The following IFT74 variants were observed in gnomAD, a reference collection of about 807,000 sequenced individuals.
IFT74 encodes intraflagellar transport 74.
In IFT74, 92 loss-of-function variants were observed where a neutral mutation model predicts 96.7. That is an observed-to-expected ratio of 0.95 (90% CI 0.80 to 1.13). The LOEUF is 1.13. Ranked by LOEUF, IFT74 falls within the 50% of genes most tolerant of loss-of-function variation. IFT74 has a pLI of 0.00. For missense variants in IFT74, 811 were observed against 698.2 expected (o/e 1.16, Z -1.82); for synonymous variants, 223 against 213.2 (o/e 1.05, Z -0.40).
intron 8 of IFT74, chr9:26,995,517 G>T (rs200749160): frequency 1.3e-6 from 2 of 1,509,244 alleles, no homozygotes; most frequent in East Asian, 4.6e-5. Flanking sequence ...AACTTTGAAA[G>T]AAATTAATTT....
At chr9:27,025,735 C>A (rs551095327) in intron 12 of IFT74, among the ~76,000 whole-genome samples, 7 of 152,230 alleles carry the variant, frequency 4.6e-5, no homozygotes, top group African/African-American at 1.7e-4. Flanking sequence ...TCCATTGAAA[C>A]TAAGCTTCAT....
At chr9:27,050,109 G>C (rs1280520911) in intron 16 of IFT74, among the ~76,000 whole-genome samples, 1 of 152,114 alleles carries the variant, frequency 6.6e-6, no homozygotes, top group Admixed American at 6.5e-5. Context: ...CCAGGCTGGA[G>C]TGCAGTGGCG....
chr9:27,010,214 C>T (rs1052276202), intron 9 of IFT74, among the ~76,000 whole-genome samples: 1 of 151,864 alleles, frequency 6.6e-6, no homozygotes. Flanking sequence ...TGGTCTTGAT[C>T]GCCTGACCTC....
rs202209535 is a variant in IFT74, at chr9:27,033,403, AC to A, written c.1054+4300del. Among the ~76,000 whole-genome samples, 1,495 of 152,088 alleles carry A rather than the reference AC, an allele frequency of 9.8e-3. 28 individuals are homozygous for A. The highest frequency in any genetic ancestry group is 0.034 in the African/African-American group (1,418 of 41,482). On this transcript the variant is annotated intron_variant, in intron 13 of 19. Coordinates refer to ENST00000380062, the MANE Select transcript of IFT74 (RefSeq NM_025103.4). ...CGAAAACCTGTCTCTACAAAAAAAT[AC>A]AAAAATTAGCCAGGCATGGTGATGT...
At chr9:27,012,085 G>C in intron 10 of IFT74, 117 bp downstream of exon 10, 2 of 571,348 alleles carry the variant, frequency 3.5e-6, no homozygotes, top group Non-Finnish European at 2.9e-6. Flanking sequence ...ACTAATAGGA[G>C]TTTAATACTT....
intron 2 of IFT74, chr9:26,976,517 C>T: frequency 3.2e-6 from 1 of 308,686 alleles, no homozygotes; most frequent in Non-Finnish European, 6.4e-6. Flanking sequence ...AACATTTAAA[C>T]TTTCTTAGAT....
chr9:27,056,841 G>A (rs537393169), intron 18 of IFT74, among the ~76,000 whole-genome samples: 6 of 150,222 alleles, frequency 4.0e-5, no homozygotes, highest in Admixed American at 3.3e-4. Context: ...GCTTTAGTGT[G>A]GGTTCTTTTA....
intron 1 of IFT74, among the ~76,000 whole-genome samples, chr9:26,950,634 G>C (rs1164666170): frequency 5.9e-5 from 9 of 152,212 alleles, no homozygotes; most frequent in Admixed American, 5.9e-4. Context: ...AGTCATGTTA[G>C]ATTTCTCTCA....
rs1019174371 is a variant in IFT74 at position 26,968,192 on chromosome 9, G to T, written c.120+6105G>T. On this transcript the variant is annotated intron_variant, in intron 2 of 19. Transcript: ENST00000380062. ...GTATTAGTTCTTTTTTAAATGTTTG[G>T]TGGAACTCAGCAGTGAAGTCATCAG... is the stretch of plus-strand genomic sequence containing the variant. 2.6e-5 allele frequency among the ~76,000 whole-genome samples: 4 copies of T among 151,148 alleles called. No homozygotes were observed. In the South Asian group the frequency reaches 8.4e-4, roughly 32 times the overall value.
chr9:26,996,565 GT>G, intron 8 of IFT74: 1 of 1,111,806 alleles, frequency 9.0e-7, no homozygotes, highest in Non-Finnish European at 1.2e-6. Context: ...TTTTATAATT[GT>G]TTTATCTAGA....
intron 13 of IFT74, among the ~76,000 whole-genome samples, chr9:27,034,149 A>G (rs1035648575): frequency 6.6e-5 from 10 of 152,252 alleles, no homozygotes; most frequent in African/African-American, 1.7e-4. Flanking sequence ...AAAAATGATT[A>G]CTTTCCAGAT....
chr9:26,964,045 A>G (rs1214782925), intron 2 of IFT74, among the ~76,000 whole-genome samples: 2 of 148,210 alleles, frequency 1.3e-5, no homozygotes, highest in Admixed American at 6.8e-5. Flanking sequence ...GCCCATGCCT[A>G]TGTCCTGAAT....
At chr9:27,022,293 T>C (rs1829646005) in intron 12 of IFT74, among the ~76,000 whole-genome samples, 1 of 152,210 alleles carries the variant, frequency 6.6e-6, no homozygotes, top group Non-Finnish European at 1.5e-5. Flanking sequence ...TTCTTTTTGC[T>C]TAGTCTTGCT....
intron 8 of IFT74, chr9:26,998,391 T>A: frequency 2.1e-6 from 1 of 480,174 alleles, no homozygotes; most frequent in Non-Finnish European, 3.6e-6. Context: ...GTAGAGCAAA[T>A]CTTTTTCTTT....
intron 8 of IFT74, chr9:26,993,078 AAT>A (rs1827959229): frequency 6.6e-6 from 1 of 152,218 alleles, no homozygotes; most frequent in Non-Finnish European, 1.5e-5. Flanking sequence ...CTTTCTAGTT[AAT>A]ATTAGTCAAG....
chr9:26,968,925 G>A (rs1318831451), intron 2 of IFT74, among the ~76,000 whole-genome samples: 1 of 151,684 alleles, frequency 6.6e-6, no homozygotes, highest in Non-Finnish European at 1.5e-5. Flanking sequence ...TTTCTACTGT[G>A]ATCTTTATGA....
At chr9:26,983,872 C>T (rs1467931988) in intron 4 of IFT74, 1 of 155,400 alleles carries the variant, frequency 6.4e-6, no homozygotes, top group African/African-American at 2.4e-5. Flanking sequence ...CAGTCTCCAC[C>T]TCCCAGATTT....
intron 13 of IFT74, among the ~76,000 whole-genome samples, chr9:27,040,261 G>C (rs1819403201): frequency 6.6e-6 from 1 of 152,086 alleles, no homozygotes; most frequent in South Asian, 2.1e-4. Flanking sequence ...CCATATAGAA[G>C]ATATTGAGGC....
chr9:27,032,256 G>A (rs1033402099), intron 13 of IFT74, among the ~76,000 whole-genome samples: 2 of 152,092 alleles, frequency 1.3e-5, no homozygotes, highest in South Asian at 4.1e-4. Context: ...CTTCCAAAAT[G>A]TTATTGCTGT....
Sources: gnomAD v4.1 joint callset for allele counts (sites outside exome capture counted in the v4.1 genomes callset) on GRCh38, gnomAD v4.1.1 for gene constraint, MANE v1.5 for transcripts, NCBI Gene and HGNC (gene_info 2026-07-23, HGNC 2026-07-21) for gene names.